Variants in ERC2 observed in about 807,000 individuals in gnomAD.
The protein encoded by ERC2 is ELKS/RAB6-interacting/CAST family member 2, also known as ERC protein 2.
A neutral mutation model predicts 114.8 loss-of-function variants in ERC2; 42 were observed. The ratio of observed to expected loss-of-function variants is 0.37; its 90% confidence interval spans 0.29 to 0.47. ERC2 has a LOEUF of 0.47. Among genes scored for constraint, ERC2 ranks in the 20% least tolerant of loss-of-function variants. ERC2 has a pLI of 0.99. For synonymous variants in ERC2, 454 were observed against 425.5 expected (o/e 1.07, Z -0.82); for missense variants, 939 against 1,150.7 (o/e 0.82, Z 2.66).
At chr3:55,760,213 A>G (rs1408360034) in intron 14 of ERC2, among the ~76,000 whole-genome samples, 1 of 152,228 alleles carries the variant, frequency 6.6e-6, no homozygotes, top group Non-Finnish European at 1.5e-5. Flanking sequence ...ATAGTCAAGG[A>G]GCAAACTGGA....
At chr3:56,377,720 T>C (rs889149155) in intron 2 of ERC2, among the ~76,000 whole-genome samples, 2 of 152,008 alleles carry the variant, frequency 1.3e-5, no homozygotes, top group African/African-American at 4.8e-5. Context: ...CTCACCAAAC[T>C]TCAAAATACT....
At chr3:55,600,595 G>C (rs1197852478) in intron 17 of ERC2, among the ~76,000 whole-genome samples, 1 of 152,184 alleles carries the variant, frequency 6.6e-6, no homozygotes, top group Non-Finnish European at 1.5e-5. Flanking sequence ...ATACCCCTTT[G>C]AAAAGCCTCT....
intron 3 of ERC2, among the ~76,000 whole-genome samples, chr3:56,191,627 T>G (rs542677251): frequency 2.0e-5 from 3 of 152,084 alleles, no homozygotes; most frequent in African/African-American, 7.2e-5. Flanking sequence ...AAGGTTGCAG[T>G]GCTGTCGCAA....
At chr3:56,169,655 C>T (rs1185584945) in intron 4 of ERC2, among the ~76,000 whole-genome samples, 1 of 152,110 alleles carries the variant, frequency 6.6e-6, no homozygotes, top group African/African-American at 2.4e-5. Context: ...AGCAATACCC[C>T]TGTTTTTTTC....
At chr3:56,325,615 T>G (rs2057326873) in intron 2 of ERC2, among the ~76,000 whole-genome samples, 1 of 152,218 alleles carries the variant, frequency 6.6e-6, no homozygotes, top group Non-Finnish European at 1.5e-5. Context: ...ATGAAAATTA[T>G]GAAGTTGTAA....
At chr3:55,549,335 A>G (rs1049910517) in intron 17 of ERC2, among the ~76,000 whole-genome samples, 1 of 152,118 alleles carries the variant, frequency 6.6e-6, no homozygotes, top group East Asian at 1.9e-4. Flanking sequence ...GGTTATTCTT[A>G]TTATCCAGAA....
chr3:55,881,624 G>A (rs2063121258), intron 14 of ERC2, among the ~76,000 whole-genome samples: 1 of 152,038 alleles, frequency 6.6e-6, no homozygotes, highest in Admixed American at 6.6e-5. Flanking sequence ...AGATTTTTAA[G>A]TACTGTATCT....
intron 6 of ERC2, among the ~76,000 whole-genome samples, chr3:56,094,804 A>G (rs529280941): frequency 6.6e-6 from 1 of 152,352 alleles, no homozygotes; most frequent in African/African-American, 2.4e-5. Flanking sequence ...TGGTAGTTAG[A>G]TTCAGTAGGG....
intron 12 of ERC2, among the ~76,000 whole-genome samples, chr3:55,981,168 G>T (rs909927557): frequency 2.0e-5 from 3 of 152,326 alleles, no homozygotes; most frequent in South Asian, 2.1e-4. Flanking sequence ...ATGTCTGCAG[G>T]AGTTATAAAT....
At chr3:56,241,169 C>T (rs532084827) in intron 3 of ERC2, among the ~76,000 whole-genome samples, 1 of 152,088 alleles carries the variant, frequency 6.6e-6, no homozygotes, top group South Asian at 2.1e-4. Flanking sequence ...GACTGATATC[C>T]AGAATCTACA....
At chr3:55,992,508 C>G (rs1461040321) in intron 10 of ERC2, among the ~76,000 whole-genome samples, 1 of 152,132 alleles carries the variant, frequency 6.6e-6, no homozygotes, top group African/African-American at 2.4e-5. Flanking sequence ...AATGTTGCTA[C>G]TTTTAGCTTT....
intron 17 of ERC2, among the ~76,000 whole-genome samples, chr3:55,520,931 C>G (rs2052885165): frequency 6.6e-6 from 1 of 152,108 alleles, no homozygotes; most frequent in South Asian, 2.1e-4. Context: ...AAAGAGATGC[C>G]CCCTCCTAGA....
chr3:56,261,890 T>C (rs1210057784), intron 3 of ERC2, among the ~76,000 whole-genome samples: 3 of 152,128 alleles, frequency 2.0e-5, no homozygotes, highest in Non-Finnish European at 4.4e-5. Context: ...TAGTCCCCAG[T>C]GTGTGTTGTT....
intron 13 of ERC2, among the ~76,000 whole-genome samples, chr3:55,907,320 A>G (rs1030917136): frequency 6.6e-6 from 1 of 152,208 alleles, no homozygotes; most frequent in African/African-American, 2.4e-5. Context: ...GTCTTTGGCC[A>G]AGGTAGCTAG....
intron 14 of ERC2, among the ~76,000 whole-genome samples, chr3:55,801,573 T>G (rs2071054337): frequency 2.6e-5 from 4 of 152,178 alleles, no homozygotes; most frequent in African/African-American, 9.7e-5. Flanking sequence ...ACAATTTGAA[T>G]CATTTGAATG....
At chr3:56,146,280 C>A (rs1235957080) in intron 5 of ERC2, among the ~76,000 whole-genome samples, 1 of 151,956 alleles carries the variant, frequency 6.6e-6, no homozygotes, top group Non-Finnish European at 1.5e-5. Flanking sequence ...GAGTGAGACC[C>A]TGCCTCAAAA....
intron 17 of ERC2, among the ~76,000 whole-genome samples, chr3:55,681,488 A>C (rs1183811162): frequency 6.6e-6 from 1 of 152,208 alleles, no homozygotes; most frequent in Non-Finnish European, 1.5e-5. Context: ...CTAAGGCCTC[A>C]TGGATTGTAA....
At position 55,699,201 on chromosome 3, in the gene ERC2, G is replaced by C. The variant is rs115522121; in HGVS notation, c.2847+177C>G. ...GAAAAGACAAAACCTTAAAGAGGAA[G>C]GAGAAAGAAAAACATTTAGATTCCT... is the stretch of plus-strand genomic sequence containing the variant. On this transcript the variant is annotated intron_variant, in intron 16 of 17. Transcript: ENST00000288221. Among the ~76,000 whole-genome samples the C allele has an allele frequency of 5.1e-3, 772 of 152,224 alleles. 6 individuals are homozygous for C. The highest frequency in any genetic ancestry group is 6.5e-3 in the Non-Finnish European group (440 of 68,008).
intron 17 of ERC2, among the ~76,000 whole-genome samples, chr3:55,621,771 CA>C (rs2059338689): frequency 6.6e-6 from 1 of 151,958 alleles, no homozygotes; most frequent in African/African-American, 2.4e-5. Context: ...ACAGCTAGGC[CA>C]ATTGGGGGAG....
Sources: allele counts gnomAD v4.1 joint callset (sites outside exome capture counted in the v4.1 genomes callset), GRCh38; gene constraint gnomAD v4.1.1; transcripts MANE v1.5; gene names NCBI Gene and HGNC (gene_info 2026-07-23, HGNC 2026-07-21).